DNAI4: variants seen among roughly 807,000 people sequenced by gnomAD.
The protein encoded by DNAI4 is dynein axonemal intermediate chain 4.
Under a neutral mutation model 105.8 loss-of-function variants are expected in DNAI4, and 85 were observed. The ratio of observed to expected loss-of-function variants is 0.80; its 90% confidence interval spans 0.67 to 0.96. The LOEUF (loss-of-function observed/expected upper bound fraction) is 0.96. Among genes scored for constraint, DNAI4 ranks in the 40% least tolerant of loss-of-function variants. DNAI4 has a pLI of 0.00. For synonymous variants in DNAI4, 352 were observed against 331.5 expected, an observed-to-expected ratio of 1.06 and a Z score of -0.67; for missense variants, 1,014 against 1,005.6, an observed-to-expected ratio of 1.01 and a Z score of -0.11.
intron 4 of DNAI4, among the ~76,000 whole-genome samples, chr1:66,880,163 A>G (rs1557951962): frequency 6.6e-6 from 1 of 152,234 alleles, no homozygotes; most frequent in South Asian, 2.1e-4. Flanking sequence ...GTGGAACTGT[A>G]AGTCCATTAA....
intron 6 of DNAI4, among the ~76,000 whole-genome samples, chr1:66,867,696 T>C (rs940527103): frequency 6.6e-6 from 1 of 152,032 alleles, no homozygotes; most frequent in Non-Finnish European, 1.5e-5. Flanking sequence ...CTGGAACTAT[T>C]TTTTTTAGTT....
intron 7 of DNAI4, among the ~76,000 whole-genome samples, chr1:66,850,918 A>G (rs559055974): frequency 6.6e-6 from 1 of 151,994 alleles, no homozygotes; most frequent in Non-Finnish European, 1.5e-5. Flanking sequence ...AGAAAGCAGG[A>G]AGAAGATAAG....
intron 8 of DNAI4, among the ~76,000 whole-genome samples, chr1:66,844,830 A>T (rs1472393506): frequency 1.3e-5 from 2 of 152,216 alleles, no homozygotes; most frequent in Non-Finnish European, 1.5e-5. Context: ...AATATTTGCA[A>T]AATATGTAAC....
rs34423900 is a variant in DNAI4, at chr1:66,850,142, C to CAAA, written c.1097-2467_1097-2465dup. Among the ~76,000 whole-genome samples the CAAA allele has an allele frequency of 6.2e-5, 8 of 129,456 alleles. No individual in the cohort carries two copies. In the South Asian group the frequency reaches 7.7e-4, roughly 12 times the overall value. 84.9% of individuals were successfully genotyped at this position (129,456 alleles called of 152,430 possible). On this transcript the variant is annotated intron_variant, in intron 7 of 16. Transcript: ENST00000371026. ...ACTAAAATTTCTAAAAACAGAAGAC[C>CAAA]AAAAAAAAAAAAAAAAAATCTAGAA... is the stretch of plus-strand genomic sequence containing the variant.
intron 15 of DNAI4, 33 bp downstream of exon 15, chr1:66,826,787 A>G (rs774134746): frequency 1.1e-5 from 17 of 1,559,500 alleles, no homozygotes; most frequent in Non-Finnish European, 1.5e-5. Flanking sequence ...AACTGCTTCT[A>G]CTAAAATTTA....
At chr1:66,887,178 A>G (rs1647234501) in intron 4 of DNAI4, among the ~76,000 whole-genome samples, 1 of 152,090 alleles carries the variant, frequency 6.6e-6, no homozygotes, top group Non-Finnish European at 1.5e-5. Context: ...TTACTCTTAT[A>G]CTAGTAAAAT....
intron 7 of DNAI4, chr1:66,848,270 G>A (rs868006644): frequency 4.4e-6 from 2 of 455,932 alleles, no homozygotes; most frequent in Non-Finnish European, 8.8e-6. Flanking sequence ...TTGCATTCCC[G>A]CTGACCTTCT....
intron 8 of DNAI4, among the ~76,000 whole-genome samples, chr1:66,841,275 T>G (rs1289767425): frequency 6.6e-6 from 1 of 152,220 alleles, no homozygotes; most frequent in Non-Finnish European, 1.5e-5. Context: ...GATATACCCC[T>G]GAAGTAAGAC....
chr1:66,835,797 A>C lies in DNAI4; in HGVS notation c.1582-20T>G, dbSNP rs1557907509. ...TGGCCACTAAATTTTAAAAAATTAC[A>C]TTTTCAATTTGTTTTTGTAGACCAC... On this transcript the variant is annotated intron_variant, in intron 10 of 16. Transcript: ENST00000371026. The C allele has an allele frequency of 2.5e-6, 4 of 1,611,072 alleles. No individual in the cohort carries two copies. The East Asian group carries it at 8.9e-5, about 36-fold the overall frequency.
chr1:66,905,763 T>G (rs567786754), intron 1 of DNAI4, among the ~76,000 whole-genome samples: 48 of 152,270 alleles, frequency 3.2e-4, no homozygotes, highest in African/African-American at 1.1e-3. Context: ...TCGGTTATTA[T>G]GAGGATTAAA....
Position 66,924,761 on chromosome 1 carries a change from A to T in DNAI4, c.71T>A (p.Phe24Tyr). The T allele has an allele frequency of 3.7e-6, 6 of 1,614,138 alleles. No homozygotes were observed. The highest frequency in any genetic ancestry group is 1.7e-5 in the Admixed American group (1 of 60,022). The change falls in exon 1 of 17, where the codon TTC (phenylalanine) becomes TAC (tyrosine). Residue 24 changes from phenylalanine (F) to tyrosine (Y), a missense_variant. Physicochemically the swap from Phe to Tyr is conservative, Grantham distance 22. Coordinates refer to ENST00000371026, the MANE Select transcript of DNAI4 (RefSeq NM_024763.5). Reference sequence around the variant, plus strand: ...CCACCCCTTTTTTTGGCCGCCTCTGAAGTCCCTGTACCCCCAAGCTCCTCC... The same window carrying T: ...CCACCCCTTTTTTTGGCCGCCTCTGTAGTCCCTGTACCCCCAAGCTCCTCC... Reference protein sequence around the residue: ...ANGGAWGYRDFRGGQKKGWCT... With the variant: ...ANGGAWGYRDYRGGQKKGWCT...
chr1:66,853,504 A>C (rs1327766570), intron 7 of DNAI4, among the ~76,000 whole-genome samples: 1 of 152,248 alleles, frequency 6.6e-6, no homozygotes, highest in Non-Finnish European at 1.5e-5. Context: ...CACAGTTTCA[A>C]ACAACTTATG....
chr1:66,903,197 G>A (rs1309710167), intron 2 of DNAI4, among the ~76,000 whole-genome samples: 1 of 152,118 alleles, frequency 6.6e-6, no homozygotes, highest in Non-Finnish European at 1.5e-5. Flanking sequence ...CTGTTTACTG[G>A]TGTATTCTTT....
At chr1:66,822,032 T>C (rs1178706524) in intron 16 of DNAI4, among the ~76,000 whole-genome samples, 1 of 152,138 alleles carries the variant, frequency 6.6e-6, no homozygotes, top group African/African-American at 2.4e-5. Flanking sequence ...TTTTAATACA[T>C]GATGTAAACT....
At chr1:66,910,601 G>T (rs1343121820) in intron 1 of DNAI4, among the ~76,000 whole-genome samples, 1 of 152,244 alleles carries the variant, frequency 6.6e-6, no homozygotes, top group Non-Finnish European at 1.5e-5. Context: ...CAGAACAACA[G>T]GCGCAGCCCC....
chr1:66,861,742 C>T (rs1646630493), intron 7 of DNAI4, among the ~76,000 whole-genome samples: 1 of 152,104 alleles, frequency 6.6e-6, no homozygotes, highest in African/African-American at 2.4e-5. Context: ...CAAATGTCCC[C>T]AGGGGAAGTA....
At chr1:66,823,242 C>T (rs1645673797) in intron 15 of DNAI4, among the ~76,000 whole-genome samples, 1 of 148,318 alleles carries the variant, frequency 6.7e-6, no homozygotes, top group African/African-American at 2.5e-5. Flanking sequence ...ATGAACTCAT[C>T]ATTTTTTATG....
chr1:66,917,675 A>G (rs560732151), intron 1 of DNAI4, among the ~76,000 whole-genome samples: 1 of 152,350 alleles, frequency 6.6e-6, no homozygotes, highest in South Asian at 2.1e-4. Context: ...TCCTATGAAC[A>G]AAATTTTGAG....
intron 1 of DNAI4, among the ~76,000 whole-genome samples, chr1:66,909,197 T>A (rs1649472783): frequency 6.6e-6 from 1 of 152,050 alleles, no homozygotes; most frequent in African/African-American, 2.4e-5. Flanking sequence ...TTACTTCACC[T>A]GTCTTTCCAG....
Sources: gnomAD v4.1 joint callset for allele counts (sites outside exome capture counted in the v4.1 genomes callset) on GRCh38, gnomAD v4.1.1 for gene constraint, MANE v1.5 for transcripts, NCBI Gene and HGNC (gene_info 2026-07-23, HGNC 2026-07-21) for gene names.